SLC25A13: variants seen among roughly 807,000 people sequenced by gnomAD.
SLC25A13 encodes electrogenic aspartate/glutamate antiporter SLC25A13, mitochondrial.
Under a neutral mutation model 85.5 loss-of-function variants are expected in SLC25A13, and 70 were observed. The ratio of observed to expected loss-of-function variants is 0.82; its 90% CI spans 0.68 to 1.00. SLC25A13 has a LOEUF of 1.00. SLC25A13 is among the 50% of genes least tolerant of loss of function. SLC25A13 has a pLI of 0.00. For synonymous variants in SLC25A13, 259 were observed against 288.7 expected, an observed-to-expected ratio of 0.90 and a Z score of 1.04; for missense variants, 765 against 819.8, an observed-to-expected ratio of 0.93 and a Z score of 0.82.
intron 3 of SLC25A13, among the ~76,000 whole-genome samples, chr7:96,246,356 C>T (rs909061419): frequency 2.0e-5 from 3 of 152,136 alleles, no homozygotes; most frequent in African/African-American, 7.2e-5. Context: ...TTGAGCTAAA[C>T]GATTTTTTAA....
chr7:96,260,168 C>T (rs1170622827), intron 3 of SLC25A13, among the ~76,000 whole-genome samples: 2 of 151,856 alleles, frequency 1.3e-5, no homozygotes, highest in Non-Finnish European at 2.9e-5. Flanking sequence ...TAAACCTGCA[C>T]GTTCTGCACA....
At position 96,131,798 on chromosome 7, in the gene SLC25A13, T is replaced by C; in HGVS notation, c.1536A>G (p.Ala512=). The C allele has an allele frequency of 6.2e-7, 1 of 1,614,114 alleles. No individual in the cohort carries two copies. ...PCYAHVKASF[A]NEDGQVSPGS... is the part of the protein sequence containing the mutation. Reference sequence around the variant, plus strand: ...CTGGGCTAACCTGCCCATCTTCATTTGCAAAGGAAGCCTTCACATGAGCAT... The same window carrying C: ...CTGGGCTAACCTGCCCATCTTCATTCGCAAAGGAAGCCTTCACATGAGCAT... Residue 512 remains alanine, a synonymous_variant, in exon 15 of 18, where the codon GCA becomes GCG. Coordinates refer to ENST00000265631, the MANE Select transcript of SLC25A13 (RefSeq NM_014251.3).
In SLC25A13 at chr7:96,141,278, C is replaced by A. The variant is rs1792551170; in HGVS notation, c.1452+5278G>T. ...CCTGGCATTAAGAGATTGCCCTGGCCTCCTGAAATACTGAGATTACAGACG... is the reference window on the plus strand; with the variant it reads ...CCTGGCATTAAGAGATTGCCCTGGCATCCTGAAATACTGAGATTACAGACG... On this transcript the variant is annotated intron_variant, in intron 14 of 17. Transcript: ENST00000265631. Among the ~76,000 whole-genome samples the A allele has an allele frequency of 2.0e-5, 3 of 152,076 alleles. No individual in the cohort carries two copies. The South Asian group carries it at 6.2e-4, about 31-fold the overall frequency.
At chr7:96,295,424 C>A (rs1799309112) in intron 2 of SLC25A13, among the ~76,000 whole-genome samples, 1 of 152,126 alleles carries the variant, frequency 6.6e-6, no homozygotes, top group Non-Finnish European at 1.5e-5. Flanking sequence ...ACCCAATATT[C>A]CATTTCCCAA....
intron 2 of SLC25A13, among the ~76,000 whole-genome samples, chr7:96,288,500 C>A (rs899362373): frequency 2.6e-5 from 4 of 152,176 alleles, no homozygotes; most frequent in African/African-American, 9.6e-5. Flanking sequence ...CGCAAGGGGT[C>A]AGGGAATTCC....
At chr7:96,199,708 A>G (rs1019351903) in intron 5 of SLC25A13, among the ~76,000 whole-genome samples, 9 of 152,192 alleles carry the variant, frequency 5.9e-5, no homozygotes, top group Admixed American at 5.9e-4. Context: ...TGATTAATGC[A>G]ACAGGCTTTT....
chr7:96,213,719 T>G (rs1795785769), intron 4 of SLC25A13, among the ~76,000 whole-genome samples: 1 of 152,160 alleles, frequency 6.6e-6, no homozygotes, highest in South Asian at 2.1e-4. Flanking sequence ...CTATCTCAAA[T>G]GTAAAAATAA....
rs552670183 is a variant in SLC25A13, at chr7:96,181,383, C to T, written c.1177+2894G>A. Among the ~76,000 whole-genome samples, 31 of 152,324 alleles carry T rather than the reference C, an allele frequency of 2.0e-4. No individual in the cohort carries two copies. The South Asian group carries it at 6.2e-3, about 31-fold the overall frequency. On this transcript the variant is annotated intron_variant, in intron 11 of 17. Transcript: ENST00000265631. The stretch of plus-strand genomic sequence containing the variant: ...AACTTCCACAACTATTCTGATGCAG[C>T]CAGCTGCGGGGGAGGCAAAGAACAA...
At chr7:96,276,374 C>T (rs895718494) in intron 3 of SLC25A13, among the ~76,000 whole-genome samples, 2 of 152,176 alleles carry the variant, frequency 1.3e-5, no homozygotes, top group Admixed American at 6.5e-5. Flanking sequence ...GTAATCCCAA[C>T]ACTTTGGGAG....
chr7:96,302,533 AAT>A (rs1390183339), intron 1 of SLC25A13, among the ~76,000 whole-genome samples: 3 of 152,220 alleles, frequency 2.0e-5, no homozygotes, highest in African/African-American at 7.2e-5. Context: ...TGAAAAATAA[AAT>A]GCAAAGAAAA....
intron 3 of SLC25A13, among the ~76,000 whole-genome samples, chr7:96,274,432 A>C (rs1798367006): frequency 6.6e-6 from 1 of 152,012 alleles, no homozygotes; most frequent in South Asian, 2.1e-4. Context: ...GAGTAGATTG[A>C]AAAAATTTTC....
At chr7:96,228,924 CG>C (rs1343929128) in intron 4 of SLC25A13, among the ~76,000 whole-genome samples, 1 of 152,182 alleles carries the variant, frequency 6.6e-6, no homozygotes, top group Non-Finnish European at 1.5e-5. Context: ...GAATTCTCAC[CG>C]GGCCTCAGCT....
intron 1 of SLC25A13, among the ~76,000 whole-genome samples, chr7:96,303,225 C>T (rs1414860818): frequency 6.6e-6 from 1 of 152,114 alleles, no homozygotes; most frequent in Non-Finnish European, 1.5e-5. Context: ...AAACCTGAAA[C>T]ATCTGAAAGC....
At chr7:96,197,829 A>G (rs750841618) in intron 5 of SLC25A13, among the ~76,000 whole-genome samples, 1 of 152,226 alleles carries the variant, frequency 6.6e-6, no homozygotes, top group Non-Finnish European at 1.5e-5. Context: ...TAATCATTAC[A>G]TTCACATATT....
intron 1 of SLC25A13, among the ~76,000 whole-genome samples, chr7:96,304,353 A>G (rs1209406554): frequency 6.6e-6 from 1 of 152,220 alleles, no homozygotes; most frequent in Non-Finnish European, 1.5e-5. Flanking sequence ...GTCATTTCAG[A>G]GGCACTAGAG....
intron 11 of SLC25A13, among the ~76,000 whole-genome samples, chr7:96,173,859 G>C (rs1451879793): frequency 1.3e-5 from 2 of 152,178 alleles, no homozygotes; most frequent in African/African-American, 4.8e-5. Flanking sequence ...AAATAGAGCT[G>C]GCCAATTAGG....
chr7:96,171,546 A>G (rs1335415888), intron 11 of SLC25A13, 22 bp from the exon 12 acceptor site: 1 of 1,595,826 alleles, frequency 6.3e-7, no homozygotes, highest in Admixed American at 1.7e-5. Context: ...CAAAAAGTAG[A>G]AGTATATTAA....
chr7:96,291,942 A>G (rs1333034001), intron 2 of SLC25A13, among the ~76,000 whole-genome samples: 8 of 152,142 alleles, frequency 5.3e-5, no homozygotes, highest in African/African-American at 1.9e-4. Flanking sequence ...GCCAGCCATC[A>G]TCCTGATACC....
intron 14 of SLC25A13, among the ~76,000 whole-genome samples, chr7:96,142,982 G>A (rs534917924): frequency 6.6e-6 from 1 of 152,222 alleles, no homozygotes; most frequent in African/African-American, 2.4e-5. Context: ...AAAAAACAAC[G>A]CCTTTGATTA....
Sources: allele counts gnomAD v4.1 joint callset (sites outside exome capture counted in the v4.1 genomes callset), GRCh38; gene constraint gnomAD v4.1.1; transcripts MANE v1.5; gene names NCBI Gene and HGNC (gene_info 2026-07-23, HGNC 2026-07-21).